Variants in FYN observed in about 807,000 individuals in gnomAD.
FYN encodes tyrosine-protein kinase Fyn.
A neutral mutation model predicts 70.2 loss-of-function variants in FYN; 10 were observed. The ratio of observed to expected loss-of-function variants is 0.14; its 90% CI spans 0.09 to 0.24. The LOEUF (loss-of-function observed/expected upper bound fraction) is 0.24. Ranked by LOEUF, FYN falls within the 10% of genes least tolerant of loss-of-function variation. FYN has a pLI of 1.00. For synonymous variants in FYN, 236 were observed against 248.6 expected (o/e 0.95, Z 0.48); for missense variants, 319 against 673.1 (o/e 0.47, Z 5.82).
intron 13 of FYN, among the ~76,000 whole-genome samples, chr6:111,666,338 G>C (rs539155180): frequency 6.6e-6 from 1 of 152,220 alleles, no homozygotes; most frequent in South Asian, 2.1e-4. Flanking sequence ...AGCCACGTTC[G>C]AGCAGTATGA....
chr6:111,741,104 A>T (rs1334794074), intron 3 of FYN: 1 of 151,876 alleles, frequency 6.6e-6, no homozygotes, highest in Admixed American at 6.6e-5. Context: ...CTGTCTCAAA[A>T]AAAAAAAAAA....
chr6:111,667,962 C>T (rs1231001896), intron 13 of FYN, among the ~76,000 whole-genome samples: 2 of 152,164 alleles, frequency 1.3e-5, no homozygotes, highest in Non-Finnish European at 2.9e-5. Flanking sequence ...TATCAGATAC[C>T]CAAATTCCTT....
Position 111,738,519 on chromosome 6 carries a change from T to C in FYN, c.-11-18457A>G, listed in dbSNP as rs73766716. ...ATCCATCGGAGATGCTCCTCCCTGG[T>C]CAAAGGTAACTATTCTGAGGATCTG... On this transcript the variant is annotated intron_variant, in intron 3 of 13. Transcript: ENST00000354650. 3.0e-3 allele frequency among the ~76,000 whole-genome samples: 457 copies of C among 152,326 alleles called. 2 individuals carry two copies. Among genetic ancestry groups the C allele is most frequent in the African/African-American group, 0.011 (448 of 41,572 alleles).
chr6:111,864,510 C>T (rs1271862776), intron 1 of FYN, among the ~76,000 whole-genome samples: 3 of 152,160 alleles, frequency 2.0e-5, no homozygotes, highest in Non-Finnish European at 4.4e-5. Context: ...GTGCCTGCCC[C>T]ACTGTCCTAC....
intron 2 of FYN, among the ~76,000 whole-genome samples, chr6:111,838,096 T>C (rs950816174): frequency 1.3e-5 from 2 of 152,192 alleles, no homozygotes; most frequent in Non-Finnish European, 2.9e-5. Context: ...CAGTCTTTAG[T>C]AGAGGTGAAC....
chr6:111,730,592 C>G (rs576670496), intron 3 of FYN, among the ~76,000 whole-genome samples: 27 of 152,250 alleles, frequency 1.8e-4, no homozygotes, highest in Non-Finnish European at 3.5e-4. Flanking sequence ...GGGGCCTGCC[C>G]TCGCTCTTGT....
intron 2 of FYN, among the ~76,000 whole-genome samples, chr6:111,843,860 G>A (rs1022285721): frequency 6.6e-6 from 1 of 152,128 alleles, no homozygotes; most frequent in African/African-American, 2.4e-5. Context: ...CGGCCGTGGC[G>A]ATAGGGCAAC....
At chr6:111,793,919 G>C (rs1396593892) in intron 2 of FYN, 1 of 152,126 alleles carries the variant, frequency 6.6e-6, no homozygotes, top group African/African-American at 2.4e-5. Context: ...ATCTACGCAG[G>C]CACCGAGATG....
chr6:111,867,066 G>T (rs937346724), intron 1 of FYN, among the ~76,000 whole-genome samples: 18 of 152,174 alleles, frequency 1.2e-4, no homozygotes, highest in African/African-American at 4.3e-4. Flanking sequence ...CTGTTCCTGG[G>T]CTTGCTCTCT....
chr6:111,723,787 A>C (rs77675855), intron 3 of FYN, among the ~76,000 whole-genome samples: 4 of 152,220 alleles, frequency 2.6e-5, no homozygotes, highest in Non-Finnish European at 5.9e-5. Flanking sequence ...TTTAATGTCC[A>C]ATGCTGTAAG....
chr6:111,788,147 C>T (rs1241549617), intron 2 of FYN, among the ~76,000 whole-genome samples: 1 of 152,154 alleles, frequency 6.6e-6, no homozygotes, highest in Non-Finnish European at 1.5e-5. Context: ...TTGCCCAGTT[C>T]CCCCACTAGA....
intron 2 of FYN, among the ~76,000 whole-genome samples, chr6:111,823,425 C>T (rs1330420542): frequency 3.9e-5 from 6 of 152,172 alleles, no homozygotes; most frequent in Admixed American, 1.3e-4. Context: ...AAACACTGGA[C>T]TAGACAAAAT....
At chr6:111,866,891 G>C (rs966679527) in intron 1 of FYN, among the ~76,000 whole-genome samples, 22 of 152,222 alleles carry the variant, frequency 1.4e-4, no homozygotes, top group African/African-American at 5.1e-4. Context: ...GGGAGCAACA[G>C]ATTTCTAGAC....
At chr6:111,682,418 C>T (rs560793186) in intron 12 of FYN, among the ~76,000 whole-genome samples, 6 of 152,282 alleles carry the variant, frequency 3.9e-5, no homozygotes, top group Admixed American at 3.9e-4. Flanking sequence ...CCCTAGTGGC[C>T]AGGTAATCTG....
chr6:111,811,804 G>A (rs1385536253), intron 2 of FYN, among the ~76,000 whole-genome samples: 2 of 152,134 alleles, frequency 1.3e-5, no homozygotes, highest in Non-Finnish European at 2.9e-5. Context: ...AGTCAGCTGT[G>A]GGTTGCTAAA....
At chr6:111,789,491 G>T (rs1771528789) in intron 2 of FYN, among the ~76,000 whole-genome samples, 1 of 152,034 alleles carries the variant, frequency 6.6e-6, no homozygotes, top group African/African-American at 2.4e-5. Flanking sequence ...CAACGTTAAG[G>T]CCATGAGTAC....
At chr6:111,801,893 T>G (rs1771997537) in intron 2 of FYN, among the ~76,000 whole-genome samples, 1 of 152,222 alleles carries the variant, frequency 6.6e-6, no homozygotes, top group Non-Finnish European at 1.5e-5. Flanking sequence ...GGGGAAGATC[T>G]CTGTGTAATG....
intron 12 of FYN, among the ~76,000 whole-genome samples, chr6:111,681,784 G>A (rs547542454): frequency 2.1e-4 from 32 of 152,262 alleles, no homozygotes; most frequent in Admixed American, 1.9e-3. Context: ...GGCATGCAAA[G>A]CACTGGGCAC....
In FYN at chr6:111,700,330, C is replaced by T. The variant is rs1583327132; in HGVS notation, c.698-62G>A. On this transcript the variant is annotated intron_variant, in intron 8 of 13. Transcript: ENST00000354650. ...GAGCAGAACACATGTAATGACAACA[C>T]TCATAAGTGTAAACCCACACTAGCG... The T allele has an allele frequency of 1.0e-4, 159 of 1,565,924 alleles. 2 individuals are homozygous for T. The East Asian group carries it at 3.5e-3, about 35-fold the overall frequency.
Sources: allele counts gnomAD v4.1 joint callset (sites outside exome capture counted in the v4.1 genomes callset), GRCh38; gene constraint gnomAD v4.1.1; transcripts MANE v1.5; gene names NCBI Gene and HGNC (gene_info 2026-07-23, HGNC 2026-07-21).